Variants in GUCY1A2 observed in about 807,000 individuals in gnomAD.
GUCY1A2 encodes guanylate cyclase soluble subunit alpha-2.
A neutral mutation model predicts 63.5 loss-of-function variants in GUCY1A2; 27 were observed. That is an observed-to-expected ratio of 0.43 (90% CI 0.31 to 0.59). The LOEUF is 0.59. GUCY1A2 is among the 20% of genes least tolerant of loss of function. The probability of loss-of-function intolerance (pLI) is 0.11; values close to 1 mark genes in which losing one functional copy is unlikely to be tolerated. For synonymous variants in GUCY1A2, 364 were observed against 343.5 expected, an observed-to-expected ratio of 1.06 and a Z score of -0.66; for missense variants, 768 against 913.3, an observed-to-expected ratio of 0.84 and a Z score of 2.05.
At chr11:106,922,690 T>TGTTAAC (rs1193865744) in intron 4 of GUCY1A2, among the ~76,000 whole-genome samples, 1 of 16,800 alleles carries the variant, frequency 6.0e-5, no homozygotes. Context: ...TATATATATA[T>TGTTAAC]ATATATATAT....
intron 7 of GUCY1A2, among the ~76,000 whole-genome samples, chr11:106,698,465 G>T (rs1199217279): frequency 6.6e-6 from 1 of 151,696 alleles, no homozygotes; most frequent in Non-Finnish European, 1.5e-5. Context: ...GCATTTTTTG[G>T]AATAATGTTA....
intron 6 of GUCY1A2, among the ~76,000 whole-genome samples, chr11:106,718,581 A>AT (rs1863257146): frequency 6.6e-6 from 1 of 152,124 alleles, no homozygotes; most frequent in Admixed American, 6.5e-5. Context: ...TAGGAGTGTT[A>AT]TTATTAAGGC....
intron 4 of GUCY1A2, among the ~76,000 whole-genome samples, chr11:106,881,367 A>T (rs897509197): frequency 6.6e-6 from 1 of 152,212 alleles, no homozygotes; most frequent in African/African-American, 2.4e-5. Flanking sequence ...CTCTGACTTC[A>T]TGAATTATTA....
In GUCY1A2 at chr11:106,682,271, A is replaced by G. The variant is rs937196217; in HGVS notation, c.*5278T>C. The G allele has an allele frequency of 4.6e-6, 1 of 216,412 alleles. No individual in the cohort carries two copies. The highest frequency in any genetic ancestry group is 2.3e-5 in the African/African-American group (1 of 44,254). 13.4% of individuals were successfully genotyped at this position (216,412 alleles called of 1,614,324 possible). On this transcript the variant is annotated 3_prime_UTR_variant, in exon 8 of 8. Transcript: ENST00000526355. ...TTTCAAAATAACTACAAATGAAATA[A>G]CATCACTATCCCAGTCAACTTGTAT...
At chr11:106,718,382 C>G (rs2135360745) in intron 6 of GUCY1A2, among the ~76,000 whole-genome samples, 1 of 152,038 alleles carries the variant, frequency 6.6e-6, no homozygotes, top group East Asian at 1.9e-4. Flanking sequence ...CCCTACAAAC[C>G]ACTGATTAGG....
intron 4 of GUCY1A2, among the ~76,000 whole-genome samples, chr11:106,816,019 C>T (rs1858826238): frequency 6.6e-6 from 1 of 151,926 alleles, no homozygotes; most frequent in South Asian, 2.1e-4. Flanking sequence ...TTGTTTTAAG[C>T]TACCAAGTTT....
intron 6 of GUCY1A2, among the ~76,000 whole-genome samples, chr11:106,751,225 C>T (rs1863876967): frequency 6.6e-6 from 1 of 152,062 alleles, no homozygotes; most frequent in Admixed American, 6.6e-5. Context: ...CCTTTGGTGA[C>T]TTCACTGAAT....
intron 4 of GUCY1A2, among the ~76,000 whole-genome samples, chr11:106,890,695 G>A (rs952372619): frequency 6.6e-5 from 10 of 151,862 alleles, no homozygotes; most frequent in Non-Finnish European, 1.5e-5. Flanking sequence ...CAACCACCTC[G>A]GATATAACTG....
chr11:106,825,498 C>T (rs1203057848), intron 4 of GUCY1A2, among the ~76,000 whole-genome samples: 2 of 149,992 alleles, frequency 1.3e-5, no homozygotes, highest in Non-Finnish European at 1.5e-5. Flanking sequence ...AGAAAGTTTA[C>T]AAAAAATGTA....
At chr11:107,005,349 T>C (rs946616852) in intron 1 of GUCY1A2, among the ~76,000 whole-genome samples, 1 of 152,182 alleles carries the variant, frequency 6.6e-6, no homozygotes, top group Non-Finnish European at 1.5e-5. Context: ...TCATAGCTCA[T>C]TGCAGCCTTG....
chr11:106,953,747 T>C (rs780120304), intron 3 of GUCY1A2, among the ~76,000 whole-genome samples: 6 of 152,162 alleles, frequency 3.9e-5, no homozygotes, highest in Non-Finnish European at 7.3e-5. Flanking sequence ...TGGTTTAGTC[T>C]TGGTAGGGTG....
chr11:106,898,081 A>C (rs1860076302), intron 4 of GUCY1A2, among the ~76,000 whole-genome samples: 1 of 152,210 alleles, frequency 6.6e-6, no homozygotes, highest in South Asian at 2.1e-4. Context: ...ATGTCAAATA[A>C]CTATAGGAAT....
intron 4 of GUCY1A2, among the ~76,000 whole-genome samples, chr11:106,849,006 C>A (rs980389875): frequency 2.6e-5 from 4 of 151,558 alleles, no homozygotes; most frequent in African/African-American, 9.7e-5. Context: ...ATTTTCTGTA[C>A]AAAAATGAGC....
chr11:106,833,848 G>C (rs929537288), intron 4 of GUCY1A2, among the ~76,000 whole-genome samples: 2 of 151,958 alleles, frequency 1.3e-5, no homozygotes, highest in African/African-American at 4.8e-5. Flanking sequence ...TAAAGAAAAA[G>C]AAGCTTTGAG....
At chr11:106,729,043 T>C (rs1273619488) in intron 6 of GUCY1A2, among the ~76,000 whole-genome samples, 1 of 152,196 alleles carries the variant, frequency 6.6e-6, no homozygotes, top group East Asian at 1.9e-4. Flanking sequence ...TGCTTTATAT[T>C]GTTCCATGTG....
chr11:106,979,616 T>C (rs1457181698), intron 2 of GUCY1A2, among the ~76,000 whole-genome samples: 1 of 152,132 alleles, frequency 6.6e-6, no homozygotes, highest in Non-Finnish European at 1.5e-5. Flanking sequence ...AAAATGGAGG[T>C]ACCTTCTAGA....
rs1862468435 is a variant in GUCY1A2 at position 106,683,594 on chromosome 11, G to A, written c.*3955C>T. 4.4e-6 allele frequency: 1 copy of A among 228,524 alleles called. No homozygotes were observed. The highest frequency in any genetic ancestry group is 1.8e-4 in the South Asian group (1 of 5,500). The allele number at this position is 228,524 out of a possible 1,614,324, so 14.2% of individuals were successfully genotyped here. Reference sequence around the variant, plus strand: ...AGCAACCCTTTCTGTAGCCATTCTGGGTTCAGAAGTGAAGAGAGAATGCTG... The same window carrying A: ...AGCAACCCTTTCTGTAGCCATTCTGAGTTCAGAAGTGAAGAGAGAATGCTG... On this transcript the variant is annotated 3_prime_UTR_variant, in exon 8 of 8. Transcript: ENST00000526355.
chr11:106,921,488 T>G (rs1335143876), intron 4 of GUCY1A2, among the ~76,000 whole-genome samples: 1 of 152,106 alleles, frequency 6.6e-6, no homozygotes, highest in Admixed American at 6.6e-5. Flanking sequence ...AAAATGTGCT[T>G]TAAATAAATC....
At chr11:106,771,975 T>C (rs1864265472) in intron 6 of GUCY1A2, among the ~76,000 whole-genome samples, 2 of 152,162 alleles carry the variant, frequency 1.3e-5, no homozygotes, top group African/African-American at 4.8e-5. Context: ...GAATGCTTTA[T>C]AGATATAGTC....
Sources: gnomAD v4.1 joint callset for allele counts (sites outside exome capture counted in the v4.1 genomes callset) on GRCh38, gnomAD v4.1.1 for gene constraint, MANE v1.5 for transcripts, NCBI Gene and HGNC (gene_info 2026-07-23, HGNC 2026-07-21) for gene names.